SORCS3: variants seen among roughly 807,000 people sequenced by gnomAD.
SORCS3 encodes VPS10 domain-containing receptor SorCS3.
Under a neutral mutation model 146.3 loss-of-function variants are expected in SORCS3, and 57 were observed. The ratio of observed to expected loss-of-function variants is 0.39; its 90% CI spans 0.31 to 0.49. The LOEUF (loss-of-function observed/expected upper bound fraction) is 0.49. Among genes scored for constraint, SORCS3 ranks in the 20% least tolerant of loss-of-function variants. SORCS3 has a pLI of 0.92. For missense variants in SORCS3, 1,341 were observed against 1,575.5 expected, an observed-to-expected ratio of 0.85 and a Z score of 2.52; for synonymous variants, 653 against 618.5, an observed-to-expected ratio of 1.06 and a Z score of -0.83.
chr10:104,649,439 A>C (rs2015533084), intron 1 of SORCS3, among the ~76,000 whole-genome samples: 2 of 152,206 alleles, frequency 1.3e-5, no homozygotes, highest in Admixed American at 1.3e-4. Context: ...AGCACTCAAG[A>C]TACTTTAGTT....
chr10:104,763,397 C>A (rs1053057153), intron 1 of SORCS3, among the ~76,000 whole-genome samples: 1 of 152,136 alleles, frequency 6.6e-6, no homozygotes, highest in Non-Finnish European at 1.5e-5. Context: ...GTACAGAGTA[C>A]CTTAAAATAG....
chr10:105,039,670 T>C (rs1349216802), intron 4 of SORCS3, among the ~76,000 whole-genome samples: 1 of 151,982 alleles, frequency 6.6e-6, no homozygotes, highest in African/African-American at 2.4e-5. Flanking sequence ...TTGGCCAGGA[T>C]GGTCTTGATC....
chr10:104,852,454 G>T (rs577516845), intron 2 of SORCS3, among the ~76,000 whole-genome samples: 66 of 152,240 alleles, frequency 4.3e-4, no homozygotes, highest in African/African-American at 1.5e-3. Context: ...TTCAATTCAC[G>T]TGGATTATGA....
intron 1 of SORCS3, among the ~76,000 whole-genome samples, chr10:104,829,466 C>A (rs74155047): frequency 0.013 from 2,030 of 152,024 alleles, 46 homozygotes; most frequent in African/African-American, 0.046. Flanking sequence ...TGGAAAGGTA[C>A]GGGAAAGTTG....
At chr10:105,114,796 G>GA (rs1465381884) in intron 7 of SORCS3, among the ~76,000 whole-genome samples, 2 of 152,132 alleles carry the variant, frequency 1.3e-5, no homozygotes. Context: ...ACCTGGCGAA[G>GA]AAAAAAGAAA....
chr10:105,052,309 C>T (rs2055418746), intron 5 of SORCS3, among the ~76,000 whole-genome samples: 1 of 151,740 alleles, frequency 6.6e-6, no homozygotes, highest in African/African-American at 2.4e-5. Flanking sequence ...CACATGGCAA[C>T]ACCGGAAACA....
intron 5 of SORCS3, among the ~76,000 whole-genome samples, chr10:105,069,699 G>T (rs1418747762): frequency 6.6e-6 from 1 of 152,132 alleles, no homozygotes; most frequent in African/African-American, 2.4e-5. Flanking sequence ...TTGTCCCAAG[G>T]TAATTCTCTG....
chr10:105,217,927 T>C lies in SORCS3; in HGVS notation c.2734+805T>C, dbSNP rs370383834. The C allele has an allele frequency of 1.8e-4, 82 of 453,740 alleles. No individual in the cohort carries two copies. The East Asian group carries it at 5.3e-3, about 29-fold the overall frequency. The allele number at this position is 453,740 out of a possible 1,614,324, so 28.1% of individuals were successfully genotyped here. ...AGTGATATTCGTGGGTCTAAGGACT[T>C]CCATGGTTCTTACTTACATACCCCA... On this transcript the variant is annotated intron_variant, in intron 19 of 26. Transcript: ENST00000369701.
intron 3 of SORCS3, among the ~76,000 whole-genome samples, chr10:104,929,145 A>G (rs7096048): frequency 0.28 from 43,076 of 152,138 alleles, 8,010 homozygotes; most frequent in African/African-American, 0.53. Flanking sequence ...GACCTTGAAC[A>G]TATTACTTGA....
intron 1 of SORCS3, among the ~76,000 whole-genome samples, chr10:104,742,388 C>T (rs2016858845): frequency 6.6e-6 from 1 of 152,180 alleles, no homozygotes; most frequent in African/African-American, 2.4e-5. Context: ...AGAAGGGGGT[C>T]TCTGAGAAGT....
intron 2 of SORCS3, among the ~76,000 whole-genome samples, chr10:104,893,676 T>C (rs2018771016): frequency 6.6e-6 from 1 of 152,212 alleles, no homozygotes; most frequent in Admixed American, 6.5e-5. Context: ...TAGGGCTCGT[T>C]TCCTTCCAAA....
chr10:105,082,892 G>A (rs181558371), intron 5 of SORCS3, among the ~76,000 whole-genome samples: 147 of 152,060 alleles, frequency 9.7e-4, no homozygotes, highest in Non-Finnish European at 1.5e-3. Flanking sequence ...CACCACACCC[G>A]GCTAATTTTG....
intron 1 of SORCS3, among the ~76,000 whole-genome samples, chr10:104,686,878 A>C (rs1437921320): frequency 1.3e-5 from 2 of 151,832 alleles, no homozygotes; most frequent in Non-Finnish European, 2.9e-5. Flanking sequence ...TCCATCTGTC[A>C]GTCCACCCAT....
At chr10:104,803,945 A>G (rs112130972) in intron 1 of SORCS3, among the ~76,000 whole-genome samples, 12 of 152,300 alleles carry the variant, frequency 7.9e-5, no homozygotes, top group African/African-American at 2.6e-4. Flanking sequence ...CTCCAGAGAA[A>G]GACCAGCCCC....
At chr10:104,991,002 C>G (rs1162845006) in intron 4 of SORCS3, among the ~76,000 whole-genome samples, 1 of 152,132 alleles carries the variant, frequency 6.6e-6, no homozygotes, top group Non-Finnish European at 1.5e-5. Context: ...CAGCCCTTCC[C>G]TTGGCTTCAC....
At chr10:104,792,740 G>A (rs532961782) in intron 1 of SORCS3, among the ~76,000 whole-genome samples, 6 of 152,034 alleles carry the variant, frequency 3.9e-5, no homozygotes, top group Admixed American at 1.3e-4. Context: ...TTGGATTTAC[G>A]TGGGTTTACT....
At chr10:104,755,300 C>T (rs571430738) in intron 1 of SORCS3, among the ~76,000 whole-genome samples, 2 of 152,306 alleles carry the variant, frequency 1.3e-5, no homozygotes, top group South Asian at 4.1e-4. Context: ...TCCACAAAAA[C>T]ATATTCAGTC....
intron 1 of SORCS3, among the ~76,000 whole-genome samples, chr10:104,649,370 A>C (rs1371808003): frequency 1.3e-5 from 2 of 152,252 alleles, no homozygotes; most frequent in African/African-American, 4.8e-5. Flanking sequence ...TGTTGTAAGA[A>C]TTAAGTGAGA....
chr10:104,986,701 G>C (rs551857919), intron 4 of SORCS3, among the ~76,000 whole-genome samples: 1 of 152,286 alleles, frequency 6.6e-6, no homozygotes, highest in Admixed American at 6.5e-5. Flanking sequence ...ATGTCTTAGG[G>C]AATAGGGGTG....
Sources: allele counts gnomAD v4.1 joint callset (sites outside exome capture counted in the v4.1 genomes callset), GRCh38; gene constraint gnomAD v4.1.1; transcripts MANE v1.5; gene names NCBI Gene and HGNC (gene_info 2026-07-23, HGNC 2026-07-21).